The following ZC3H13 variants were observed in gnomAD, a reference collection of about 807,000 sequenced individuals.
ZC3H13 encodes zinc finger CCCH domain-containing protein 13.
ZC3H13 carries 64 observed loss-of-function variants against 204.1 expected under a neutral mutation model. The observed-to-expected ratio is 0.31, with a 90% CI of 0.26 to 0.39. The LOEUF is 0.39. Ranked by LOEUF, ZC3H13 falls within the 10% of genes least tolerant of loss-of-function variation. The pLI is 1.00. For missense variants in ZC3H13, 1,833 were observed against 2,082.7 expected (o/e 0.88, Z 2.33); for synonymous variants, 667 against 693.7 (o/e 0.96, Z 0.60).
rs1951190947 is a variant in ZC3H13 at position 45,954,618 on chromosome 13, G to C, written c.*2509C>G. 1 of 152,100 alleles carries C rather than the reference G, an allele frequency of 6.6e-6. No homozygotes were observed. The highest frequency in any genetic ancestry group is 2.4e-5 in the African/African-American group (1 of 41,406). 9.4% of individuals were successfully genotyped at this position (152,100 alleles called of 1,614,324 possible). On this transcript the variant is annotated 3_prime_UTR_variant, in exon 19 of 19. Coordinates refer to ENST00000679008, the MANE Select transcript of ZC3H13 (RefSeq NM_001330564.2). ...AGGGAATATCCTTAAAAGTGGGAGG[G>C]GTTCATATAACCTTTTAAAATAGCA...
At chr13:45,995,073 T>A (rs982136579) in intron 8 of ZC3H13, among the ~76,000 whole-genome samples, 1 of 151,966 alleles carries the variant, frequency 6.6e-6, no homozygotes, top group East Asian at 1.9e-4. Flanking sequence ...AGGATGGATT[T>A]TGACAGTGCA....
rs1363057777 is a variant in ZC3H13 at position 45,957,106 on chromosome 13, A to G, written c.*21T>C. 2.1e-6 allele frequency: 3 copies of G among 1,445,436 alleles called. No individual in the cohort carries two copies. The highest frequency in any genetic ancestry group is 2.8e-6 in the Non-Finnish European group (3 of 1,086,892). 89.5% of individuals were successfully genotyped at this position (1,445,436 alleles called of 1,614,324 possible). On this transcript the variant is annotated 3_prime_UTR_variant, in exon 19 of 19. Coordinates refer to ENST00000679008, the MANE Select transcript of ZC3H13 (RefSeq NM_001330564.2). The stretch of plus-strand genomic sequence containing the variant: ...CTGCTGAAGGAAGACAGTACCAAAA[A>G]TACCATATTGAACTTCGGTCTTAAG...
At chr13:45,962,699 A>G in intron 17 of ZC3H13, 37 of 981,756 alleles carry the variant, frequency 3.8e-5, no homozygotes, top group Non-Finnish European at 4.4e-5. Flanking sequence ...CATAAAACTC[A>G]TAAAACAATA....
chr13:46,011,297 G>A, intron 6 of ZC3H13, 118 bp downstream of exon 6: 1 of 836,332 alleles, frequency 1.2e-6, no homozygotes, highest in Non-Finnish European at 1.8e-6. Flanking sequence ...ATATACAGTG[G>A]GTTGATCAAT....
chr13:45,968,898 G>T lies in ZC3H13; in HGVS notation c.3646C>A (p.Arg1216=). The part of the protein sequence containing the change: ...LRSPSNDSAH[R]SGDDQSGRKR... The stretch of plus-strand genomic sequence containing the variant: ...CGACCACTTTGGTCATCTCCACTTC[G>T]ATGGGCTGAATCATTGGATGGGGAG... Residue 1216 remains arginine (R), a synonymous_variant, in exon 14 of 19, where the codon CGA becomes AGA. Transcript: ENST00000679008. 1.2e-6 allele frequency: 2 copies of T among 1,614,032 alleles called. No homozygotes were observed. Among genetic ancestry groups the T allele is most frequent in the Admixed American group, 3.3e-5 (2 of 59,996 alleles).
At chr13:46,030,991 G>A (rs2042863880) in intron 4 of ZC3H13, among the ~76,000 whole-genome samples, 1 of 151,898 alleles carries the variant, frequency 6.6e-6, no homozygotes, top group African/African-American at 2.4e-5. Flanking sequence ...ACTGAAGAAC[G>A]AAGTCATGAG....
intron 5 of ZC3H13, among the ~76,000 whole-genome samples, chr13:46,017,170 A>C (rs1314981735): frequency 2.0e-5 from 3 of 152,126 alleles, no homozygotes; most frequent in Non-Finnish European, 4.4e-5. Context: ...AAAGTGAGAA[A>C]AGAAGATGGC....
chr13:46,036,700 G>C (rs2043228941), intron 4 of ZC3H13, among the ~76,000 whole-genome samples: 1 of 152,084 alleles, frequency 6.6e-6, no homozygotes, highest in African/African-American at 2.4e-5. Context: ...ATTAACATCA[G>C]TTAAAATATT....
chr13:46,024,081 A>G (rs2042384514), intron 4 of ZC3H13, among the ~76,000 whole-genome samples: 1 of 152,212 alleles, frequency 6.6e-6, no homozygotes. Flanking sequence ...AGGCCCAGCC[A>G]TGAAAGTGGG....
At chr13:46,039,239 G>A (rs1469520036) in intron 4 of ZC3H13, among the ~76,000 whole-genome samples, 1 of 152,096 alleles carries the variant, frequency 6.6e-6, no homozygotes, top group Non-Finnish European at 1.5e-5. Flanking sequence ...CAACTTTACT[G>A]TACTAACTTT....
chr13:45,964,074 A>C (rs531090334), intron 16 of ZC3H13, 32 bp from the exon 17 acceptor site: 1 of 1,581,158 alleles, frequency 6.3e-7, no homozygotes, highest in East Asian at 2.2e-5. Context: ...GATTTGTTTT[A>C]CACCAAGAAA....
intron 14 of ZC3H13, 21 bp downstream of exon 14, chr13:45,968,727 A>G (rs1386798425): frequency 6.4e-7 from 1 of 1,556,306 alleles, no homozygotes; most frequent in Non-Finnish European, 8.7e-7. Flanking sequence ...CAGTGACTAG[A>G]TCACAATTCA....
chr13:46,045,016 T>C lies in ZC3H13; in HGVS notation c.166A>G (p.Thr56Ala). 6.2e-7 allele frequency: 1 copy of C among 1,613,776 alleles called. No homozygotes were observed. Among genetic ancestry groups the C allele is most frequent in the South Asian group, 1.1e-5 (1 of 91,060 alleles). ...GAAGGGCCATGTACGAATCTACATG[T>C]GTTTCCATAGAGGCAGTTGCCAGTC... ...LKTGNCLYGN[T>A]CRFVHGPSPR... The change falls in exon 3 of 19, where the codon ACA becomes GCA. Residue 56 changes from threonine to alanine, a missense_variant. Physicochemically the swap from Thr to Ala is moderately conservative, Grantham distance 58. Transcript: ENST00000679008.
intron 10 of ZC3H13, among the ~76,000 whole-genome samples, chr13:45,981,489 G>A (rs1197815976): frequency 1.3e-5 from 2 of 151,890 alleles, no homozygotes; most frequent in African/African-American, 4.8e-5. Flanking sequence ...TAGTCCTTTG[G>A]GTATATACCC....
intron 2 of ZC3H13, 118 bp from the exon 3 acceptor site, chr13:46,045,182 C>T: frequency 1.1e-6 from 1 of 929,214 alleles, no homozygotes; most frequent in Non-Finnish European, 1.6e-6. Flanking sequence ...ATATATTACT[C>T]CCCAAATAAT....
chr13:46,021,459 C>T (rs891781044), intron 4 of ZC3H13, among the ~76,000 whole-genome samples: 2 of 151,946 alleles, frequency 1.3e-5, no homozygotes, highest in Non-Finnish European at 2.9e-5. Flanking sequence ...AAGACACTTA[C>T]ACACAAGGAT....
At chr13:45,973,233 T>C (rs1464512467) in intron 12 of ZC3H13, among the ~76,000 whole-genome samples, 2 of 152,162 alleles carry the variant, frequency 1.3e-5, no homozygotes, top group Non-Finnish European at 2.9e-5. Context: ...TAAACACAAT[T>C]AGAGTAAAAT....
At chr13:46,010,829 C>T (rs2041506157) in intron 6 of ZC3H13, among the ~76,000 whole-genome samples, 1 of 151,726 alleles carries the variant, frequency 6.6e-6, no homozygotes. Context: ...GAGTTCAAGG[C>T]TGCAGTGAGT....
chr13:46,024,119 A>G (rs1318699726), intron 4 of ZC3H13, among the ~76,000 whole-genome samples: 1 of 152,228 alleles, frequency 6.6e-6, no homozygotes, highest in Admixed American at 6.5e-5. Context: ...CAATGCTGAT[A>G]CAAAATGAAA....
Sources: gnomAD v4.1 joint callset for allele counts (sites outside exome capture counted in the v4.1 genomes callset) on GRCh38, gnomAD v4.1.1 for gene constraint, MANE v1.5 for transcripts, NCBI Gene and HGNC (gene_info 2026-07-23, HGNC 2026-07-21) for gene names.